IL17RB: variants seen among roughly 807,000 people sequenced by gnomAD.
IL17RB encodes the protein interleukin-17 receptor B.
IL17RB carries 36 observed loss-of-function variants against 43.9 expected under a neutral mutation model. That is an observed-to-expected ratio of 0.82 (90% CI 0.63 to 1.08). IL17RB has a LOEUF of 1.08. Ranked by LOEUF, IL17RB falls within the 50% of genes least tolerant of loss-of-function variation. The probability of loss-of-function intolerance (pLI) is 0.00; values close to 1 mark genes in which losing one functional copy is unlikely to be tolerated. For synonymous variants in IL17RB, 225 were observed against 225.4 expected, an observed-to-expected ratio of 1.00 and a Z score of 0.02; for missense variants, 613 against 613.6, an observed-to-expected ratio of 1.00 and a Z score of 0.01.
intron 5 of IL17RB, among the ~76,000 whole-genome samples, chr3:53,853,688 A>G (rs1311994939): frequency 1.3e-5 from 2 of 150,458 alleles, no homozygotes; most frequent in Admixed American, 6.8e-5. Flanking sequence ...CACCCATCCC[A>G]TACCACCATC....
rs914488930 is a variant in IL17RB, at chr3:53,860,148, G to A, written c.866G>A (p.Gly289Asp). The A allele has an allele frequency of 1.2e-6, 2 of 1,613,972 alleles. No individual in the cohort carries two copies. The highest frequency in any genetic ancestry group is 1.7e-5 in the Admixed American group (1 of 60,024). The change falls in exon 10 of 11, where the codon GGC becomes GAC. Residue 289 changes from glycine to aspartate, a missense_variant. Coordinates refer to ENST00000288167, the MANE Select transcript of IL17RB (RefSeq NM_018725.4). Reference protein sequence around the residue: ...PLDNNKSKPGGWLPLLLLSLL... With the variant: ...PLDNNKSKPGDWLPLLLLSLL... ...TTTCCAGACAAAAGCAAGCCGGGAG[G>A]CTGGCTGCCTCTCCTCCTGCTGTCT... is the stretch of plus-strand genomic sequence containing the variant.
intron 5 of IL17RB, among the ~76,000 whole-genome samples, chr3:53,854,973 C>A (rs28385671): frequency 0.047 from 7,195 of 151,960 alleles, 295 homozygotes; most frequent in East Asian, 0.2. Context: ...AAAAATTAGC[C>A]GGGCGTGGTG....
Position 53,864,957 on chromosome 3 carries a change from G to T in IL17RB, c.1158G>T (p.Lys386Asn), listed in dbSNP as rs201219894. 193 of 1,614,022 alleles carry T rather than the reference G, an allele frequency of 1.2e-4. No homozygotes were observed. Among genetic ancestry groups the T allele is most frequent in the Middle Eastern group, 3.3e-4 (2 of 6,084 alleles). ...CAGTGCAGTGGCTTGCCACTCAAAAGAAGGCAGCAGACAAAGTCGTCTTCC... is the reference window on the plus strand; with the variant it reads ...CAGTGCAGTGGCTTGCCACTCAAAATAAGGCAGCAGACAAAGTCGTCTTCC... ...MGPVQWLATQ[K>N]KAADKVVFLL... The change falls in exon 11 of 11, where the codon AAG becomes AAT. Residue 386 changes from lysine to asparagine, a missense_variant. By Grantham distance (94) the Lys-to-Asn change is moderately conservative (BLOSUM62 0). Transcript: ENST00000288167.
chr3:53,848,535 C>A, intron 1 of IL17RB, 129 bp from the exon 2 acceptor site: 1 of 903,184 alleles, frequency 1.1e-6, no homozygotes, highest in South Asian at 1.4e-5. Context: ...AGAACCAGTT[C>A]ATCTTTTCTT....
rs1434566647 is a variant in IL17RB, at chr3:53,858,473, G to T, written c.748-246G>T. 3 of 1,339,722 alleles carry T rather than the reference G, an allele frequency of 2.2e-6. No individual in the cohort carries two copies. The African/African-American group carries it at 4.4e-5, about 20-fold the overall frequency. The allele number at this position is 1,339,722 out of a possible 1,614,324, so 83.0% of individuals were successfully genotyped here. On this transcript the variant is annotated intron_variant, in intron 8 of 10. Coordinates refer to ENST00000288167, the MANE Select transcript of IL17RB (RefSeq NM_018725.4). ...CTAGCCCTTTTAGGTAAGCGAACTG[G>T]TATGTTAGTAACGTGTACAAAGTTT... is the stretch of plus-strand genomic sequence containing the variant.
At chr3:53,854,249 T>A (rs1032345723) in intron 5 of IL17RB, among the ~76,000 whole-genome samples, 4 of 152,196 alleles carry the variant, frequency 2.6e-5, no homozygotes, top group Non-Finnish European at 5.9e-5. Flanking sequence ...TAGTACAGTT[T>A]CCATATACCT....
At chr3:53,849,228 C>T (rs1200415934) in intron 2 of IL17RB, among the ~76,000 whole-genome samples, 1 of 152,188 alleles carries the variant, frequency 6.6e-6, no homozygotes, top group Non-Finnish European at 1.5e-5. Context: ...GTCAAATACA[C>T]TAAATATATA....
At position 53,857,635 on chromosome 3, in the gene IL17RB, C is replaced by G. The variant is rs1466608887; in HGVS notation, c.692C>G (p.Thr231Arg). ...QVFEPHQKKQ[T>R]RASVVIPVTG... ...CTTAAGCCACACCAGAAGAAACAAA[C>G]GCGAGCTTCAGTGGTGATTCCAGTG... The change falls in exon 8 of 11, where the codon ACG becomes AGG. Residue 231 changes from threonine (T) to arginine (R), a missense_variant. Coordinates refer to ENST00000288167, the MANE Select transcript of IL17RB (RefSeq NM_018725.4). The G allele has an allele frequency of 6.2e-7, 1 of 1,614,026 alleles. No individual in the cohort carries two copies. Among genetic ancestry groups the G allele is most frequent in the Non-Finnish European group, 8.5e-7 (1 of 1,179,998 alleles).
At position 53,860,162 on chromosome 3, in the gene IL17RB, C is replaced by T. The variant is rs761282143; in HGVS notation, c.880C>T (p.Leu294Phe). Residue 294 changes from leucine to phenylalanine, a missense_variant, in exon 10 of 11, where the codon CTC becomes TTC. Transcript: ENST00000288167. ...CAAGCCGGGAGGCTGGCTGCCTCTC[C>T]TCCTGCTGTCTCTGCTGGTGGCCAC... ...KSKPGGWLPL[L>F]LLSLLVATWV... 6.2e-7 allele frequency: 1 copy of T among 1,614,126 alleles called. No individual in the cohort carries two copies. Among genetic ancestry groups the T allele is most frequent in the Admixed American group, 1.7e-5 (1 of 60,036 alleles).
At chr3:53,858,396 C>T in intron 8 of IL17RB, 1 of 1,114,716 alleles carries the variant, frequency 9.0e-7, no homozygotes, top group South Asian at 2.6e-5. Context: ...AAGAGGATCA[C>T]TGCTGCTCCT....
chr3:53,860,783 A>T (rs914118447), intron 10 of IL17RB: 3 of 152,248 alleles, frequency 2.0e-5, no homozygotes, highest in Non-Finnish European at 2.9e-5. Context: ...ATGAAGAAAA[A>T]GGTATGTCAT....
rs1168934780 is a variant in IL17RB at position 53,858,812 on chromosome 3, G to C, written c.841G>C (p.Asp281His). Reference protein sequence around the residue: ...CPQTGVPFPLDNNKSKPGGWL... With the variant: ...CPQTGVPFPLHNNKSKPGGWL... ...ACAAACAGGCGTCCCTTTCCCTCTG[G>C]ATAACAGTAAGTGCCCAGTAACTTC... Residue 281 changes from aspartate (D) to histidine (H), a missense_variant, in exon 9 of 11, where the codon GAT (aspartate) becomes CAT (histidine). Coordinates refer to ENST00000288167, the MANE Select transcript of IL17RB (RefSeq NM_018725.4). 1 of 1,613,398 alleles carries C rather than the reference G, an allele frequency of 6.2e-7. No homozygotes were observed. Among genetic ancestry groups the C allele is most frequent in the Admixed American group, 1.7e-5 (1 of 60,008 alleles).
At chr3:53,863,272 G>A (rs1559784371) in intron 10 of IL17RB, among the ~76,000 whole-genome samples, 1 of 152,136 alleles carries the variant, frequency 6.6e-6, no homozygotes, top group Non-Finnish European at 1.5e-5. Flanking sequence ...TGCAGGGCCG[G>A]TGCCCCTCCC....
intron 5 of IL17RB, among the ~76,000 whole-genome samples, chr3:53,854,177 G>A (rs1004404993): frequency 2.6e-5 from 4 of 152,126 alleles, no homozygotes; most frequent in Admixed American, 6.5e-5. Context: ...GATTACAGGA[G>A]TGAGCCACCG....
At chr3:53,852,388 G>C (rs755185095) in intron 4 of IL17RB, among the ~76,000 whole-genome samples, 12 of 152,120 alleles carry the variant, frequency 7.9e-5, no homozygotes, top group Non-Finnish European at 1.5e-4. Flanking sequence ...GCCTGCCTCA[G>C]CTTCCCAAAG....
At chr3:53,848,788 A>G in intron 2 of IL17RB, 100 bp downstream of exon 2, 2 of 1,228,178 alleles carry the variant, frequency 1.6e-6, no homozygotes, top group South Asian at 2.4e-5. Context: ...AAGACCAGAC[A>G]CAGGGTGACC....
chr3:53,850,831 T>C (rs1265932407), intron 3 of IL17RB, among the ~76,000 whole-genome samples: 3 of 151,214 alleles, frequency 2.0e-5, no homozygotes, highest in Non-Finnish European at 4.4e-5. Flanking sequence ...AAAATAAAAG[T>C]CAGGGTAGTG....
intron 1 of IL17RB, 42 bp downstream of exon 1, chr3:53,846,690 C>A (rs1233356074): frequency 1.9e-6 from 3 of 1,545,452 alleles, no homozygotes; most frequent in Non-Finnish European, 2.6e-6. Flanking sequence ...TCCCGGCCCT[C>A]GAGCCCAGAT....
intron 4 of IL17RB, 34 bp downstream of exon 4, chr3:53,852,160 G>T: frequency 6.3e-7 from 1 of 1,599,780 alleles, no homozygotes; most frequent in South Asian, 1.1e-5. Context: ...TTTGTTTTTT[G>T]AGATAGCATC....
Sources: gnomAD v4.1 joint callset for allele counts (sites outside exome capture counted in the v4.1 genomes callset) on GRCh38, gnomAD v4.1.1 for gene constraint, MANE v1.5 for transcripts, NCBI Gene and HGNC (gene_info 2026-07-23, HGNC 2026-07-21) for gene names.